Variants in ADGRB3 observed in about 807,000 individuals in gnomAD.
ADGRB3 encodes brain-specific angiogenesis inhibitor 3.
ADGRB3 carries 37 observed loss-of-function variants against 193.4 expected under a neutral mutation model. The observed-to-expected ratio is 0.19, with a 90% CI of 0.15 to 0.25. The LOEUF (loss-of-function observed/expected upper bound fraction) is 0.25. ADGRB3 is among the 10% of genes least tolerant of loss of function. ADGRB3 has a pLI of 1.00. For missense variants in ADGRB3, 1,637 were observed against 1,852.9 expected, an observed-to-expected ratio of 0.88 and a Z score of 2.14; for synonymous variants, 690 against 644.2, an observed-to-expected ratio of 1.07 and a Z score of -1.08.
At chr6:69,074,493 T>C (rs1385602007) in intron 16 of ADGRB3, among the ~76,000 whole-genome samples, 1 of 151,490 alleles carries the variant, frequency 6.6e-6, no homozygotes, top group Non-Finnish European at 1.5e-5. Context: ...TGAGGTACGG[T>C]GTCCACCTGT....
At chr6:69,156,354 T>C (rs1316309221) in intron 17 of ADGRB3, among the ~76,000 whole-genome samples, 1 of 152,168 alleles carries the variant, frequency 6.6e-6, no homozygotes, top group Non-Finnish European at 1.5e-5. Flanking sequence ...TGTGAGGAGA[T>C]AATATTTTAG....
rs913849726 is a variant in ADGRB3 at position 69,048,293 on chromosome 6, T to C, written c.2216T>C (p.Val739Ala). 1 of 1,613,476 alleles carries C rather than the reference T, an allele frequency of 6.2e-7. No individual in the cohort carries two copies. Among genetic ancestry groups the C allele is most frequent in the Non-Finnish European group, 8.5e-7 (1 of 1,179,682 alleles). ...TGGGCAAGAAACTCAGAAGATAGGG[T>C]AGTAATTCCAAAAAGCATTTTCACT... The part of the protein sequence containing the change: ...VDWARNSEDR[V>A]VIPKSIFTPV... The change falls in exon 14 of 32, where the codon GTA becomes GCA. Residue 739 changes from valine (V) to alanine (A), a missense_variant. By Grantham distance (64) the Val-to-Ala change is moderately conservative. This residue lies in a region of ADGRB3 where 641 missense variants were observed against 673.9 expected (regional missense o/e 0.95). Coordinates refer to ENST00000370598, the MANE Select transcript of ADGRB3 (RefSeq NM_001704.3).
chr6:69,283,624 G>A (rs1767486054), intron 20 of ADGRB3, among the ~76,000 whole-genome samples: 1 of 151,612 alleles, frequency 6.6e-6, no homozygotes, highest in South Asian at 2.1e-4. Context: ...AAAAAGCTTA[G>A]CACATTGGTT....
At chr6:69,262,848 G>T (rs1434420339) in intron 20 of ADGRB3, among the ~76,000 whole-genome samples, 1 of 151,866 alleles carries the variant, frequency 6.6e-6, no homozygotes, top group Admixed American at 6.6e-5. Flanking sequence ...TATAGATAGG[G>T]TTTGGTAGTA....
intron 28 of ADGRB3, among the ~76,000 whole-genome samples, chr6:69,360,255 T>C (rs1414295643): frequency 6.6e-6 from 1 of 151,946 alleles, no homozygotes; most frequent in African/African-American, 2.4e-5. Flanking sequence ...ATTTTCTTTC[T>C]TCCATATAAA....
chr6:68,636,477 T>A (rs111918640), intron 1 of ADGRB3, among the ~76,000 whole-genome samples: 4 of 144,662 alleles, frequency 2.8e-5, no homozygotes, highest in African/African-American at 5.1e-5. Context: ...AATAAATAAA[T>A]AAAACATCCT....
chr6:69,313,040 G>A (rs1036649047), intron 20 of ADGRB3, among the ~76,000 whole-genome samples: 1 of 151,708 alleles, frequency 6.6e-6, no homozygotes, highest in African/African-American at 2.4e-5. Context: ...AAAGATTGAG[G>A]GTGTGAAAAG....
chr6:69,027,267 G>A (rs1770462347), intron 13 of ADGRB3, among the ~76,000 whole-genome samples: 1 of 150,458 alleles, frequency 6.6e-6, no homozygotes, highest in African/African-American at 2.5e-5. Context: ...CATTAGCCTA[G>A]GCCGTACCCA....
chr6:68,639,563 T>G, intron 3 of ADGRB3, 131 bp downstream of exon 3: 1 of 1,254,232 alleles, frequency 8.0e-7, no homozygotes, highest in Non-Finnish European at 1.1e-6. Flanking sequence ...TGATTTGTGC[T>G]ATTCACTGAT....
intron 17 of ADGRB3, among the ~76,000 whole-genome samples, chr6:69,108,173 T>C (rs1369138144): frequency 6.7e-6 from 1 of 150,346 alleles, no homozygotes; most frequent in Non-Finnish European, 1.5e-5. Context: ...TAGGAGAGAC[T>C]GTAAAGGCTA....
chr6:68,980,262 T>C (rs975288878), intron 10 of ADGRB3, among the ~76,000 whole-genome samples: 1 of 151,514 alleles, frequency 6.6e-6, no homozygotes, highest in African/African-American at 2.4e-5. Context: ...TTACAGATGT[T>C]AAAGAACTTG....
At chr6:69,093,015 T>G in intron 17 of ADGRB3, among the ~76,000 whole-genome samples, 2 of 140,592 alleles carry the variant, frequency 1.4e-5, no homozygotes, top group East Asian at 2.1e-4. Context: ...CATTCAGGGG[T>G]GGAAGGGTGA....
intron 20 of ADGRB3, among the ~76,000 whole-genome samples, chr6:69,246,946 G>T (rs1766511272): frequency 6.6e-6 from 1 of 152,078 alleles, no homozygotes; most frequent in Non-Finnish European, 1.5e-5. Flanking sequence ...TTGTTCATTT[G>T]TGCTGAGGGA....
intron 3 of ADGRB3, among the ~76,000 whole-genome samples, chr6:68,792,847 A>T (rs769197421): frequency 6.6e-6 from 1 of 152,164 alleles, no homozygotes; most frequent in African/African-American, 2.4e-5. Flanking sequence ...AATGTCCAGG[A>T]TTACTCCATG....
chr6:69,244,895 T>G (rs1310264054), intron 20 of ADGRB3, among the ~76,000 whole-genome samples: 1 of 152,158 alleles, frequency 6.6e-6, no homozygotes, highest in East Asian at 1.9e-4. Flanking sequence ...TAGCTGTAAT[T>G]ATGGCAAAGA....
intron 3 of ADGRB3, among the ~76,000 whole-genome samples, chr6:68,854,832 T>C (rs1344229505): frequency 2.0e-5 from 3 of 152,182 alleles, no homozygotes; most frequent in Admixed American, 6.5e-5. Context: ...TCTATCCACC[T>C]TGGACCCCAG....
intron 17 of ADGRB3, among the ~76,000 whole-genome samples, chr6:69,142,921 G>A (rs1043731040): frequency 2.0e-5 from 3 of 152,114 alleles, no homozygotes; most frequent in Admixed American, 6.6e-5. Context: ...TATATGCCCA[G>A]GAGTGGAATT....
At chr6:69,127,709 A>C (rs1371906000) in intron 17 of ADGRB3, among the ~76,000 whole-genome samples, 1 of 152,182 alleles carries the variant, frequency 6.6e-6, no homozygotes, top group African/African-American at 2.4e-5. Flanking sequence ...GGTTTATTCC[A>C]AAATATACTA....
intron 17 of ADGRB3, among the ~76,000 whole-genome samples, chr6:69,105,234 C>T (rs1345030031): frequency 1.3e-5 from 2 of 152,186 alleles, no homozygotes; most frequent in African/African-American, 4.8e-5. Flanking sequence ...TACCACCCTT[C>T]CCTTTCTCCC....
Sources: allele counts gnomAD v4.1 joint callset (sites outside exome capture counted in the v4.1 genomes callset), GRCh38; gene constraint gnomAD v4.1.1; regional missense constraint gnomAD v4.1.1; transcripts MANE v1.5; gene names NCBI Gene and HGNC (gene_info 2026-07-23, HGNC 2026-07-21).